The following NREP variants were observed in gnomAD, a reference collection of about 807,000 sequenced individuals.
NREP encodes neuronal regeneration related protein.
A neutral mutation model predicts 8.6 loss-of-function variants in NREP; 5 were observed. The observed-to-expected ratio is 0.58, with a 90% CI of 0.30 to 1.22. The LOEUF (loss-of-function observed/expected upper bound fraction) is 1.22, where lower values mean the gene tolerates loss of function less well. Ranked by LOEUF, NREP falls within the 50% of genes most tolerant of loss-of-function variation. NREP has a pLI of 0.07. For synonymous variants in NREP, 27 were observed against 28.0 expected (o/e 0.96, Z 0.11); for missense variants, 86 against 82.5 (o/e 1.04, Z -0.17).
intron 2 of NREP, among the ~76,000 whole-genome samples, chr5:111,828,308 C>A (rs1021150290): frequency 6.6e-6 from 1 of 152,014 alleles, no homozygotes; most frequent in Admixed American, 6.6e-5. Context: ...GGATTACAGG[C>A]GTGAGACACC....
chr5:111,960,553 C>A (rs966529438), intron 2 of NREP, among the ~76,000 whole-genome samples: 2 of 152,134 alleles, frequency 1.3e-5, no homozygotes, highest in Non-Finnish European at 2.9e-5. Context: ...AAAACCTCAT[C>A]TCTGTTTGAA....
intron 2 of NREP, among the ~76,000 whole-genome samples, chr5:111,899,979 A>C (rs1200538908): frequency 3.3e-5 from 5 of 152,178 alleles, no homozygotes; most frequent in Non-Finnish European, 4.4e-5. Context: ...TTTATCTAAC[A>C]GCTGCAGACT....
At chr5:111,767,327 T>A (rs1751108838) in intron 2 of NREP, among the ~76,000 whole-genome samples, 1 of 152,140 alleles carries the variant, frequency 6.6e-6, no homozygotes. Context: ...TTCCGAAGAA[T>A]CTATGCATAG....
Position 111,866,473 on chromosome 5 carries a change from C to T in NREP, c.135+108801G>A, listed in dbSNP as rs540078905. The stretch of plus-strand genomic sequence containing the variant: ...TACCATCTCACACCAGTTAGAATGC[C>T]GATCATTAAAAAGTCAGGAAACAAC... On this transcript the variant is annotated intron_variant, in intron 2 of 3. Transcript: ENST00000395634. Among the ~76,000 whole-genome samples the T allele has an allele frequency of 1.5e-4, 23 of 152,138 alleles. No homozygotes were observed. The East Asian group carries it at 3.7e-3, about 24-fold the overall frequency.
intron 2 of NREP, among the ~76,000 whole-genome samples, chr5:111,754,086 TTG>T (rs1750549288): frequency 6.6e-6 from 1 of 152,176 alleles, no homozygotes; most frequent in Admixed American, 6.5e-5. Flanking sequence ...CACCAAAAAG[TTG>T]TGAGAATTTT....
intron 2 of NREP, among the ~76,000 whole-genome samples, chr5:111,884,917 G>A (rs1050014656): frequency 2.6e-5 from 4 of 152,158 alleles, no homozygotes; most frequent in African/African-American, 7.2e-5. Flanking sequence ...ACTGGCACAC[G>A]ACAGGGATGC....
intron 2 of NREP, among the ~76,000 whole-genome samples, chr5:111,929,196 G>A (rs963466727): frequency 4.6e-5 from 7 of 152,080 alleles, no homozygotes; most frequent in Non-Finnish European, 1.0e-4. Context: ...CGGGGCCCTA[G>A]AATGCCTTTA....
chr5:111,860,905 C>A (rs1254885539), intron 2 of NREP, among the ~76,000 whole-genome samples: 1 of 152,076 alleles, frequency 6.6e-6, no homozygotes, highest in Admixed American at 6.6e-5. Context: ...AACATTTCAA[C>A]AATGATTGCT....
At chr5:111,969,932 T>C (rs982484739) in intron 2 of NREP, among the ~76,000 whole-genome samples, 1 of 152,192 alleles carries the variant, frequency 6.6e-6, no homozygotes, top group Admixed American at 6.5e-5. Context: ...GGAGCAAAAC[T>C]CTTGCTGTCT....
chr5:111,764,045 G>A (rs1751025892), intron 2 of NREP, among the ~76,000 whole-genome samples: 1 of 152,216 alleles, frequency 6.6e-6, no homozygotes, highest in Non-Finnish European at 1.5e-5. Context: ...TGATGCCATG[G>A]TTAAAACAAA....
rs1468774314 is a variant in NREP at position 111,837,836 on chromosome 5, A to G, written c.136-102329T>C. 3.9e-5 allele frequency among the ~76,000 whole-genome samples: 6 copies of G among 152,082 alleles called. No homozygotes were observed. In the East Asian group the frequency reaches 7.7e-4, roughly 20 times the overall value. Reference sequence around the variant, plus strand: ...CCTTCTGGTCACAAAGAGGAAAAACATAATTTTTTCATAGAGGAATCAGAG... The same window carrying G: ...CCTTCTGGTCACAAAGAGGAAAAACGTAATTTTTTCATAGAGGAATCAGAG... On this transcript the variant is annotated intron_variant, in intron 2 of 3. Coordinates refer to the NREP transcript ENST00000395634.
chr5:111,840,803 CA>C (rs1240328918), intron 2 of NREP, among the ~76,000 whole-genome samples: 3 of 152,084 alleles, frequency 2.0e-5, no homozygotes, highest in Non-Finnish European at 4.4e-5. Flanking sequence ...AAGATGTTGA[CA>C]GGAAAAACTA....
At chr5:111,859,200 A>T (rs922442440) in intron 2 of NREP, among the ~76,000 whole-genome samples, 3 of 152,126 alleles carry the variant, frequency 2.0e-5, no homozygotes, top group African/African-American at 7.2e-5. Flanking sequence ...CCCATTGAAA[A>T]GCCTTTATCT....
intron 2 of NREP, among the ~76,000 whole-genome samples, chr5:111,867,500 T>C (rs1171359665): frequency 6.6e-6 from 1 of 152,156 alleles, no homozygotes; most frequent in Admixed American, 6.5e-5. Flanking sequence ...TATTTAGCCT[T>C]ACTTACTCCT....
intron 2 of NREP, among the ~76,000 whole-genome samples, chr5:111,860,727 T>C (rs1315860953): frequency 6.6e-6 from 1 of 152,176 alleles, no homozygotes; most frequent in Non-Finnish European, 1.5e-5. Context: ...AAAATGACAA[T>C]GTGAAAACTA....
At chr5:111,903,080 CTCTTT>C (rs1754686660) in intron 2 of NREP, among the ~76,000 whole-genome samples, 1 of 139,260 alleles carries the variant, frequency 7.2e-6, no homozygotes, top group Non-Finnish European at 1.5e-5. Context: ...CTTGTCTTTT[CTCTTT>C]TTTTTTTTTT....
At chr5:111,766,720 G>A (rs1048116226) in intron 2 of NREP, among the ~76,000 whole-genome samples, 8 of 152,144 alleles carry the variant, frequency 5.3e-5, no homozygotes, top group African/African-American at 1.7e-4. Context: ...TACAACCTCA[G>A]GTTCAGATTG....
intron 2 of NREP, among the ~76,000 whole-genome samples, chr5:111,765,267 G>A (rs1024204841): frequency 6.6e-6 from 1 of 152,160 alleles, no homozygotes; most frequent in African/African-American, 2.4e-5. Flanking sequence ...CCAATGATCT[G>A]ACAGGAGGCA....
intron 1 of NREP, chr5:111,976,626 G>A (rs1756970596): frequency 8.7e-7 from 1 of 1,145,834 alleles, no homozygotes; most frequent in East Asian, 2.6e-5. Context: ...AGGTCAGTGA[G>A]GCAGAGACAA....
Sources: gnomAD v4.1 joint callset for allele counts (sites outside exome capture counted in the v4.1 genomes callset) on GRCh38, gnomAD v4.1.1 for gene constraint, MANE v1.5 for transcripts, NCBI Gene and HGNC (gene_info 2026-07-23, HGNC 2026-07-21) for gene names.